The following NKD1 variants were observed in gnomAD, a reference collection of about 807,000 sequenced individuals.
NKD1 encodes protein naked cuticle homolog 1.
NKD1 carries 21 observed loss-of-function variants against 56.0 expected under a neutral mutation model. That is an observed-to-expected ratio of 0.38 (90% confidence interval 0.27 to 0.54). The LOEUF is 0.54. Among genes scored for constraint, NKD1 ranks in the 20% least tolerant of loss-of-function variants. The probability of loss-of-function intolerance (pLI) is 0.82; values close to 1 mark genes in which losing one functional copy is unlikely to be tolerated. For missense variants in NKD1, 578 were observed against 642.7 expected (o/e 0.90, Z 1.09); for synonymous variants, 263 against 265.7 (o/e 0.99, Z 0.10).
At position 50,645,404 on chromosome 16, in the gene NKD1, A is replaced by C. The variant is rs9926095; in HGVS notation, c.*11623A>C. 88,147 of 152,376 alleles carry C rather than the reference A, an allele frequency of 0.58. 26,800 individuals are homozygous for C. Among genetic ancestry groups the C allele is most frequent in the Non-Finnish European group, 0.67 (45,672 of 68,238 alleles). 9.4% of individuals were successfully genotyped at this position (152,376 alleles called of 1,614,324 possible). A position where few individuals can be genotyped will look rare whatever the true frequency, so the allele number is the denominator to read the frequency against. On this transcript the variant is annotated 3_prime_UTR_variant, in exon 10 of 10. Coordinates refer to ENST00000268459, the MANE Select transcript of NKD1 (RefSeq NM_033119.5). ...AGCCAGGTGGAAAGTTAGAGGGAGCAGCTGGTACAAGGGCCTCAAGGGTGG... is the reference window on the plus strand; with the variant it reads ...AGCCAGGTGGAAAGTTAGAGGGAGCCGCTGGTACAAGGGCCTCAAGGGTGG...
At chr16:50,606,616 G>T in intron 3 of NKD1, 1 of 369,466 alleles carries the variant, frequency 2.7e-6, no homozygotes. Context: ...TGCCTTGTTG[G>T]TGGCGATGTC....
intron 3 of NKD1, chr16:50,574,115 A>G (rs1960942773): frequency 1.2e-6 from 1 of 829,186 alleles, no homozygotes; most frequent in African/African-American, 1.8e-5. Context: ...TCTTCTTCCT[A>G]GTCACATGGG....
At chr16:50,589,449 C>T (rs969945262) in intron 3 of NKD1, among the ~76,000 whole-genome samples, 11 of 152,194 alleles carry the variant, frequency 7.2e-5, no homozygotes, top group African/African-American at 2.7e-4. Flanking sequence ...GCCCAGCATG[C>T]CCTGAGGTGC....
chr16:50,601,191 G>A (rs183747167), intron 3 of NKD1, among the ~76,000 whole-genome samples: 116 of 152,336 alleles, frequency 7.6e-4, no homozygotes, highest in African/African-American at 2.7e-3. Context: ...CGATACAGCA[G>A]GGCAGCAGGA....
chr16:50,604,524 C>T (rs1395182049), intron 3 of NKD1, among the ~76,000 whole-genome samples: 4 of 152,230 alleles, frequency 2.6e-5, no homozygotes, highest in South Asian at 2.1e-4. Context: ...CCCTGCTAAG[C>T]GCTTCACATG....
chr16:50,579,494 C>T (rs1192860302), intron 3 of NKD1, among the ~76,000 whole-genome samples: 4 of 131,258 alleles, frequency 3.0e-5, no homozygotes, highest in Admixed American at 7.3e-5. Flanking sequence ...GCTACACACG[C>T]ACTCTAACCC....
chr16:50,625,555 A>G lies in NKD1; in HGVS notation c.437A>G (p.Asp146Gly). 1 of 1,613,290 alleles carries G rather than the reference A, an allele frequency of 6.2e-7. No individual in the cohort carries two copies. The highest frequency in any genetic ancestry group is 8.5e-7 in the Non-Finnish European group (1 of 1,179,252). Residue 146 changes from aspartate to glycine, a missense_variant, in exon 6 of 10, where the codon GAC becomes GGC. Asp to Gly is a moderately conservative substitution (Grantham distance 94). Coordinates refer to ENST00000268459, the MANE Select transcript of NKD1 (RefSeq NM_033119.5). ...QEWTFTLYDF[D>G]NNGKVTREDI... is the part of the protein sequence containing the mutation. ...TGGACCTTCACCCTGTATGACTTTG[A>G]CAACAACGGCAAGGTCACCCGAGAG... is the stretch of plus-strand genomic sequence containing the variant.
intron 3 of NKD1, among the ~76,000 whole-genome samples, chr16:50,585,499 G>A (rs1961208515): frequency 6.6e-6 from 1 of 152,250 alleles, no homozygotes; most frequent in Non-Finnish European, 1.5e-5. Context: ...CTGGGCAGCA[G>A]GCCCGATGGG....
rs575383156 is a variant in NKD1 at position 50,599,762 on chromosome 16, A to C, written c.193-8532A>C. Among the ~76,000 whole-genome samples the C allele has an allele frequency of 2.6e-5, 4 of 151,644 alleles. No homozygotes were observed. The South Asian group carries it at 8.4e-4, about 32-fold the overall frequency. ...GTCAGACAAACAGCAAAGTCTCCCC[A>C]CCCCGTGCCCTGCCTGGCTCTGGGC... On this transcript the variant is annotated intron_variant, in intron 3 of 9. Transcript: ENST00000268459.
rs1302959640 is a variant in NKD1 at position 50,632,616 on chromosome 16, A to G, written c.823+208A>G. 6.6e-6 allele frequency among the ~76,000 whole-genome samples: 1 copy of G among 152,214 alleles called. No homozygotes were observed. Among genetic ancestry groups the G allele is most frequent in the Non-Finnish European group, 1.5e-5 (1 of 68,040 alleles). ...TGCACGAAATCGAACAAAATCCAAT[A>G]GTATCTAAAGGCTTAGCACCCAATG... On this transcript the variant is annotated intron_variant, in intron 9 of 9. Coordinates refer to ENST00000268459, the MANE Select transcript of NKD1 (RefSeq NM_033119.5). This position sits in a 1 kb window ranked among gnomAD's most constrained non-coding sequence, Gnocchi z 4.1.
Position 50,623,751 on chromosome 16 carries a change from G to A in NKD1, c.367-1734G>A, listed in dbSNP as rs182164694. Among the ~76,000 whole-genome samples the A allele has an allele frequency of 5.6e-4, 85 of 152,066 alleles. No individual in the cohort carries two copies. The East Asian group carries it at 0.013, about 24-fold the overall frequency. On this transcript the variant is annotated intron_variant, in intron 5 of 9. Coordinates refer to ENST00000268459, the MANE Select transcript of NKD1 (RefSeq NM_033119.5). This position sits in a 1 kb window ranked among gnomAD's most constrained non-coding sequence, Gnocchi z 4.1. ...TGTGTGTGTGTGTGTGTGTGTGTGT[G>A]TGTGTGTGTGTGTACACAGGTATGT...
rs113219784 is a variant in NKD1, at chr16:50,554,685, G to A, written c.192+5130G>A. Among the ~76,000 whole-genome samples, 12 of 152,102 alleles carry A rather than the reference G, an allele frequency of 7.9e-5. 1 individual carries two copies. Among genetic ancestry groups the A allele is most frequent in the Admixed American group, 3.9e-4 (6 of 15,286 alleles). ...AGTTTCACTCTGCCACCCAGGCTGG[G>A]GTGCAGTGGCGTCATAGCTCACTGT... is the stretch of plus-strand genomic sequence containing the variant. On this transcript the variant is annotated intron_variant, in intron 3 of 9. Coordinates refer to ENST00000268459, the MANE Select transcript of NKD1 (RefSeq NM_033119.5).
intron 4 of NKD1, among the ~76,000 whole-genome samples, chr16:50,608,753 C>T (rs1961775780): frequency 1.3e-5 from 2 of 152,154 alleles, no homozygotes. Flanking sequence ...TATTCTGTTT[C>T]CTCCATCATG....
chr16:50,630,096 G>C, intron 6 of NKD1, 90 bp from the exon 7 acceptor site: 1 of 1,265,814 alleles, frequency 7.9e-7, no homozygotes, highest in Non-Finnish European at 1.1e-6. Context: ...GAGGGGTTCA[G>C]GCCTGCAGCG....
intron 4 of NKD1, among the ~76,000 whole-genome samples, chr16:50,611,966 C>T (rs892340427): frequency 2.0e-5 from 3 of 152,196 alleles, no homozygotes; most frequent in Non-Finnish European, 2.9e-5. Flanking sequence ...GGTGTCAGCC[C>T]GTGTTTATAA....
chr16:50,576,568 A>C (rs1184900858), intron 3 of NKD1, among the ~76,000 whole-genome samples: 1 of 152,080 alleles, frequency 6.6e-6, no homozygotes, highest in Non-Finnish European at 1.5e-5. Flanking sequence ...GAGTATCCTG[A>C]AAATGCACCA....
intron 4 of NKD1, among the ~76,000 whole-genome samples, chr16:50,609,066 C>G (rs1340849357): frequency 6.6e-6 from 1 of 152,232 alleles, no homozygotes; most frequent in Non-Finnish European, 1.5e-5. Flanking sequence ...CTCGAGTGAC[C>G]TTCCCACCTT....
chr16:50,565,101 T>C (rs556724336), intron 3 of NKD1, among the ~76,000 whole-genome samples: 5 of 152,202 alleles, frequency 3.3e-5, no homozygotes, highest in African/African-American at 4.8e-5. Flanking sequence ...AGAGGCTGGG[T>C]GTGGTGGCTC....
chr16:50,562,700 T>A (rs1960660548), intron 3 of NKD1, among the ~76,000 whole-genome samples: 1 of 152,036 alleles, frequency 6.6e-6, no homozygotes, highest in African/African-American at 2.4e-5. Flanking sequence ...AGGCAACAGC[T>A]GGGCCGACTG....
Sources: allele counts gnomAD v4.1 joint callset (sites outside exome capture counted in the v4.1 genomes callset), GRCh38; gene constraint gnomAD v4.1.1; non-coding constraint Gnocchi (gnomAD v3.1); transcripts MANE v1.5; gene names NCBI Gene and HGNC (gene_info 2026-07-23, HGNC 2026-07-21).